The following LRRC4C variants were observed in gnomAD, a reference collection of about 807,000 sequenced individuals.
LRRC4C encodes leucine rich repeat containing 4C.
Under a neutral mutation model 33.6 loss-of-function variants are expected in LRRC4C, and 5 were observed. The ratio of observed to expected loss-of-function variants is 0.15; its 90% confidence interval spans 0.08 to 0.31. LRRC4C has a LOEUF of 0.31. Among genes scored for constraint, LRRC4C ranks in the 10% least tolerant of loss-of-function variants. The pLI is 1.00. For missense variants in LRRC4C, 560 were observed against 796.7 expected (o/e 0.70, Z 3.58); for synonymous variants, 329 against 302.0 (o/e 1.09, Z -0.93).
At chr11:40,550,381 C>A (rs1216413811) in intron 3 of LRRC4C, among the ~76,000 whole-genome samples, 3 of 152,128 alleles carry the variant, frequency 2.0e-5, no homozygotes, top group African/African-American at 4.8e-5. Flanking sequence ...CAGAGATCAA[C>A]TCTGATGTAA....
At chr11:41,147,643 G>C (rs1943786942) in intron 1 of LRRC4C, among the ~76,000 whole-genome samples, 1 of 152,182 alleles carries the variant, frequency 6.6e-6, no homozygotes, top group Non-Finnish European at 1.5e-5. Context: ...CAATGTGAGA[G>C]ACATGATATT....
intron 1 of LRRC4C, among the ~76,000 whole-genome samples, chr11:41,410,817 C>T (rs1185954131): frequency 6.6e-6 from 1 of 152,072 alleles, no homozygotes; most frequent in Non-Finnish European, 1.5e-5. Flanking sequence ...ATCACATTAT[C>T]AACCTCAAAA....
intron 1 of LRRC4C, among the ~76,000 whole-genome samples, chr11:41,166,514 C>A (rs1039940810): frequency 1.3e-5 from 2 of 152,056 alleles, no homozygotes; most frequent in Non-Finnish European, 2.9e-5. Flanking sequence ...AAATAAAGAT[C>A]GGGTTTTTAT....
intron 5 of LRRC4C, among the ~76,000 whole-genome samples, chr11:40,234,309 T>G (rs1259649920): frequency 6.6e-6 from 1 of 152,174 alleles, no homozygotes; most frequent in East Asian, 1.9e-4. Flanking sequence ...TATTTCCAAT[T>G]TATAAGTAGT....
intron 1 of LRRC4C, among the ~76,000 whole-genome samples, chr11:41,008,070 G>C (rs984659360): frequency 6.6e-6 from 1 of 151,528 alleles, no homozygotes; most frequent in Admixed American, 6.6e-5. Context: ...CAATCAATTA[G>C]CAAGTACTAT....
chr11:41,457,728 A>G (rs1006554658), intron 1 of LRRC4C, among the ~76,000 whole-genome samples: 7 of 152,148 alleles, frequency 4.6e-5, no homozygotes, highest in African/African-American at 1.7e-4. Flanking sequence ...TGAAAGACAT[A>G]TTATAAATTA....
intron 1 of LRRC4C, among the ~76,000 whole-genome samples, chr11:41,130,736 C>T (rs548780799): frequency 2.6e-5 from 4 of 152,078 alleles, no homozygotes; most frequent in Admixed American, 2.0e-4. Flanking sequence ...CCAGCTGCAT[C>T]AATCACATAT....
intron 2 of LRRC4C, among the ~76,000 whole-genome samples, chr11:40,680,546 T>G (rs1408167899): frequency 6.6e-6 from 1 of 152,182 alleles, no homozygotes; most frequent in Non-Finnish European, 1.5e-5. Context: ...TCCCATGCTG[T>G]TCTCGTGATA....
intron 1 of LRRC4C, among the ~76,000 whole-genome samples, chr11:41,213,964 C>T (rs1565484813): frequency 6.6e-6 from 1 of 152,158 alleles, no homozygotes; most frequent in Admixed American, 6.5e-5. Context: ...GATTTGATCT[C>T]ATTATAATAT....
chr11:40,495,178 G>A (rs1403521094), intron 3 of LRRC4C, among the ~76,000 whole-genome samples: 8 of 152,120 alleles, frequency 5.3e-5, no homozygotes, highest in African/African-American at 1.4e-4. Flanking sequence ...CAAAGTACAG[G>A]TTAAATGTGC....
At chr11:40,395,563 A>G (rs1428803682) in intron 3 of LRRC4C, among the ~76,000 whole-genome samples, 1 of 152,194 alleles carries the variant, frequency 6.6e-6, no homozygotes, top group Non-Finnish European at 1.5e-5. Flanking sequence ...AGTTTTAACA[A>G]GTTGCATAGG....
chr11:40,947,004 G>A (rs1958434434), intron 1 of LRRC4C, among the ~76,000 whole-genome samples: 1 of 152,086 alleles, frequency 6.6e-6, no homozygotes, highest in Non-Finnish European at 1.5e-5. Context: ...AAACATAATT[G>A]CCCCTGAATG....
chr11:40,504,367 C>A (rs545466675), intron 3 of LRRC4C, among the ~76,000 whole-genome samples: 23 of 152,076 alleles, frequency 1.5e-4, no homozygotes, highest in African/African-American at 5.5e-4. Context: ...AGAGGGATGC[C>A]ATGGAGGATA....
chr11:41,219,773 C>G (rs966038925), intron 1 of LRRC4C, among the ~76,000 whole-genome samples: 1 of 152,176 alleles, frequency 6.6e-6, no homozygotes, highest in Non-Finnish European at 1.5e-5. Context: ...TTCAGAGATG[C>G]AATTCTGAAT....
chr11:41,382,752 C>T (rs1953202925), intron 1 of LRRC4C, among the ~76,000 whole-genome samples: 4 of 152,000 alleles, frequency 2.6e-5, no homozygotes, highest in Admixed American at 6.6e-5. Context: ...CAAAAGACCA[C>T]CAGGATGGCT....
intron 1 of LRRC4C, among the ~76,000 whole-genome samples, chr11:41,146,048 AC>A (rs775937502): frequency 3.6e-4 from 55 of 152,190 alleles, no homozygotes; most frequent in Non-Finnish European, 6.2e-4. Flanking sequence ...CAGAATTATA[AC>A]TTTATACTAC....
intron 1 of LRRC4C, among the ~76,000 whole-genome samples, chr11:41,297,058 CTA>C (rs1950164089): frequency 6.6e-6 from 1 of 152,084 alleles, no homozygotes; most frequent in Non-Finnish European, 1.5e-5. Context: ...AACTTTTCTT[CTA>C]TATCAAAACG....
intron 2 of LRRC4C, among the ~76,000 whole-genome samples, chr11:40,782,514 A>G (rs1950252478): frequency 6.6e-6 from 1 of 152,048 alleles, no homozygotes; most frequent in African/African-American, 2.4e-5. Flanking sequence ...TGAAACTGAA[A>G]TGCCCAGTTG....
intron 2 of LRRC4C, among the ~76,000 whole-genome samples, chr11:40,770,444 A>G (rs1165468093): frequency 6.6e-6 from 1 of 152,210 alleles, no homozygotes; most frequent in Non-Finnish European, 1.5e-5. Flanking sequence ...ATTCAAGATG[A>G]GATTTTGATG....
Sources: allele counts gnomAD v4.1 joint callset (sites outside exome capture counted in the v4.1 genomes callset), GRCh38; gene constraint gnomAD v4.1.1; transcripts MANE v1.5; gene names NCBI Gene and HGNC (gene_info 2026-07-23, HGNC 2026-07-21).